DOCK1: variants seen among roughly 807,000 people sequenced by gnomAD.
DOCK1 encodes the protein dedicator of cytokinesis protein 1.
Under a neutral mutation model 262.7 loss-of-function variants are expected in DOCK1, and 138 were observed. That is an observed-to-expected ratio of 0.53 (90% CI 0.46 to 0.61). DOCK1 has a LOEUF of 0.61. DOCK1 is among the 20% of genes least tolerant of loss of function. DOCK1 has a pLI of 0.00. For missense variants in DOCK1, 1,908 were observed against 2,370.7 expected (o/e 0.80, Z 4.05); for synonymous variants, 866 against 867.4 (o/e 1.00, Z 0.03).
At chr10:127,134,455 G>C (rs894163293) in intron 27 of DOCK1, among the ~76,000 whole-genome samples, 1 of 152,130 alleles carries the variant, frequency 6.6e-6, no homozygotes, top group Non-Finnish European at 1.5e-5. Context: ...CCCATACTTT[G>C]AGCCCCTCCC....
chr10:127,059,056 C>G (rs1404694252), intron 22 of DOCK1, among the ~76,000 whole-genome samples: 2 of 152,072 alleles, frequency 1.3e-5, no homozygotes, highest in Non-Finnish European at 2.9e-5. Flanking sequence ...TTTATTTCAT[C>G]TTTGTGTTTG....
At chr10:127,242,501 A>C (rs1047825253) in intron 27 of DOCK1, among the ~76,000 whole-genome samples, 1 of 152,164 alleles carries the variant, frequency 6.6e-6, no homozygotes, top group Non-Finnish European at 1.5e-5. Context: ...ATTTATTTCA[A>C]ATCATTTTAA....
chr10:127,348,233 TC>T (rs1439950883), intron 31 of DOCK1, among the ~76,000 whole-genome samples: 1 of 151,906 alleles, frequency 6.6e-6, no homozygotes, highest in Non-Finnish European at 1.5e-5. Flanking sequence ...TGCTAGTGAC[TC>T]CCAAGGAAGG....
In DOCK1 at chr10:127,012,164, G is replaced by A; in HGVS notation, c.1059-68G>A. On this transcript the variant is annotated intron_variant, in intron 11 of 51. Coordinates refer to ENST00000623213, the MANE Select transcript of DOCK1 (RefSeq NM_001290223.2). The surrounding 1 kb of genome is among the most constrained non-coding windows in gnomAD (Gnocchi z 4.0). ...TGACGATGATCTCTTATGTTCCCTTGTTACCGTGGCCCATGGGTCTCTGTG... is the reference window on the plus strand; with the variant it reads ...TGACGATGATCTCTTATGTTCCCTTATTACCGTGGCCCATGGGTCTCTGTG... 1.2e-6 allele frequency: 1 copy of A among 810,104 alleles called. No individual in the cohort carries two copies. Among genetic ancestry groups the A allele is most frequent in the Non-Finnish European group, 2.1e-6 (1 of 467,220 alleles). 50.2% of individuals were successfully genotyped at this position (810,104 alleles called of 1,614,324 possible).
chr10:127,253,060 G>C (rs1183861302), intron 28 of DOCK1, among the ~76,000 whole-genome samples: 1 of 152,100 alleles, frequency 6.6e-6, no homozygotes, highest in African/African-American at 2.4e-5. Flanking sequence ...CAATAGACAT[G>C]TTCAGCTCAG....
At chr10:126,906,120 C>T (rs936844178) in intron 1 of DOCK1, among the ~76,000 whole-genome samples, 61 of 152,332 alleles carry the variant, frequency 4.0e-4, no homozygotes, top group Non-Finnish European at 6.9e-4. Context: ...TCGGCGGTCT[C>T]GCTGGGGACC....
At position 127,018,969 on chromosome 10, in the gene DOCK1, C is replaced by A. The variant is rs997925747; in HGVS notation, c.1327+134C>A. On this transcript the variant is annotated intron_variant, in intron 13 of 51. Transcript: ENST00000623213. ...GCTCCTGGTAGGTGACCCTGTAAGC[C>A]CCAGCATGGTTATGGATCATGGGGC... 2.2e-6 allele frequency: 3 copies of A among 1,341,126 alleles called. No homozygotes were observed. The African/African-American group carries it at 4.4e-5, about 20-fold the overall frequency. 83.1% of individuals were successfully genotyped at this position (1,341,126 alleles called of 1,614,324 possible).
chr10:127,156,317 T>C (rs2053042203), intron 27 of DOCK1, among the ~76,000 whole-genome samples: 1 of 152,144 alleles, frequency 6.6e-6, no homozygotes, highest in Admixed American at 6.5e-5. Context: ...GGCCCCAGGC[T>C]TCTGATGCTC....
chr10:127,147,495 C>T (rs2052000355), intron 27 of DOCK1, among the ~76,000 whole-genome samples: 3 of 152,074 alleles, frequency 2.0e-5, no homozygotes, highest in Admixed American at 2.0e-4. Flanking sequence ...ACCTGTGGCT[C>T]TCACCTTCCA....
chr10:127,190,665 TCCCCCCCCCCC>T lies in DOCK1; in HGVS notation c.2848-57335_2848-57325del, dbSNP rs56041181. Reference sequence around the variant, plus strand: ...CAAATATTTAATAGAAATCCTATCTTCCCCCCCCCCCCCCCCCCGTTCCTGCTGGCTCCCAG... The same window carrying T: ...CAAATATTTAATAGAAATCCTATCTTCCCCCCCGTTCCTGCTGGCTCCCAG... On this transcript the variant is annotated intron_variant, in intron 27 of 51. Coordinates refer to ENST00000623213, the MANE Select transcript of DOCK1 (RefSeq NM_001290223.2). Among the ~76,000 whole-genome samples, 95 of 41,818 alleles carry T rather than the reference TCCCCCCCCCCC, an allele frequency of 2.3e-3. 20 individuals carry two copies. The highest frequency in any genetic ancestry group is 0.01 in the African/African-American group (75 of 7,326). The allele number at this position is 41,818 out of a possible 152,430, so 27.4% of individuals were successfully genotyped here.
chr10:127,261,808 T>A (rs1406713702), intron 29 of DOCK1, among the ~76,000 whole-genome samples: 1 of 135,250 alleles, frequency 7.4e-6, no homozygotes, highest in Non-Finnish European at 1.5e-5. Flanking sequence ...CATGTGGGTG[T>A]GGGTGTGTAC....
intron 29 of DOCK1, among the ~76,000 whole-genome samples, chr10:127,310,129 C>G (rs1383999458): frequency 6.6e-6 from 1 of 152,176 alleles, no homozygotes; most frequent in Admixed American, 6.5e-5. Context: ...CCTGCCTTAG[C>G]CTCCCAAAGT....
At chr10:127,185,668 T>C (rs997183789) in intron 27 of DOCK1, among the ~76,000 whole-genome samples, 6 of 151,908 alleles carry the variant, frequency 3.9e-5, no homozygotes, top group African/African-American at 4.8e-5. Context: ...GAAACATGAG[T>C]AGGAATTAGA....
At chr10:127,396,740 T>G (rs7907296) in intron 38 of DOCK1, among the ~76,000 whole-genome samples, 3,885 of 144,372 alleles carry the variant, frequency 0.027, 172 homozygotes, top group African/African-American at 0.095. Flanking sequence ...AGAAAAAATG[T>G]CATATCTCTG....
At chr10:127,214,440 T>C (rs2058116122) in intron 27 of DOCK1, among the ~76,000 whole-genome samples, 1 of 152,254 alleles carries the variant, frequency 6.6e-6, no homozygotes, top group Admixed American at 6.5e-5. Flanking sequence ...TCAAACAATA[T>C]ATATTTTTCC....
At chr10:127,447,134 C>T (rs1191034638) in intron 50 of DOCK1, among the ~76,000 whole-genome samples, 7 of 152,160 alleles carry the variant, frequency 4.6e-5, no homozygotes, top group Non-Finnish European at 1.0e-4. Flanking sequence ...TACAGTGGCT[C>T]GATGCCTTGC....
chr10:127,257,452 T>A (rs566893089), intron 29 of DOCK1, 23 bp downstream of exon 29: 1 of 1,571,530 alleles, frequency 6.4e-7, no homozygotes, highest in Non-Finnish European at 8.7e-7. Flanking sequence ...AAAACGGCTC[T>A]CACCTTTTCT....
At chr10:127,074,141 A>T (rs920000991) in intron 23 of DOCK1, among the ~76,000 whole-genome samples, 18 of 152,364 alleles carry the variant, frequency 1.2e-4, no homozygotes, top group Admixed American at 5.9e-4. Flanking sequence ...TTTCATTAAA[A>T]TTGTTTTTGC....
intron 38 of DOCK1, among the ~76,000 whole-genome samples, chr10:127,395,513 C>T (rs1486842729): frequency 6.6e-6 from 1 of 152,214 alleles, no homozygotes; most frequent in East Asian, 1.9e-4. Flanking sequence ...CAGAGCATAG[C>T]AAAGACATTG....
Sources: gnomAD v4.1 joint callset for allele counts (sites outside exome capture counted in the v4.1 genomes callset) on GRCh38, gnomAD v4.1.1 for gene constraint, Gnocchi (gnomAD v3.1) non-coding constraint, MANE v1.5 for transcripts, NCBI Gene and HGNC (gene_info 2026-07-23, HGNC 2026-07-21) for gene names.